The following ZNF69 variants were observed in gnomAD, a reference collection of about 807,000 sequenced individuals.
ZNF69 encodes ZNF3.
A neutral mutation model predicts 50.9 loss-of-function variants in ZNF69; 47 were observed. The observed-to-expected ratio is 0.92, with a 90% CI of 0.73 to 1.18. The LOEUF is 1.18. ZNF69 is among the 50% of genes most tolerant of loss of function. ZNF69 has a pLI of 0.00. For missense variants in ZNF69, 717 were observed against 675.1 expected, an observed-to-expected ratio of 1.06 and a Z score of -0.69; for synonymous variants, 216 against 223.1, an observed-to-expected ratio of 0.97 and a Z score of 0.29.
At chr19:11,967,944 T>G in the ZNF69 span, among the ~76,000 whole-genome samples, 2 of 152,212 alleles carry the variant, frequency 1.3e-5, no homozygotes, top group Admixed American at 6.5e-5. Flanking sequence ...CACAAGTGCA[T>G]TAAAACATAA....
downstream of ZNF69, among the ~76,000 whole-genome samples, chr19:11,914,537 T>C (rs1046516526): frequency 6.6e-6 from 1 of 152,236 alleles, no homozygotes; most frequent in African/African-American, 2.4e-5. Flanking sequence ...AATAAATTTG[T>C]GTAAATTGTC....
At chr19:11,947,406 T>C in the ZNF69 span, 1 of 1,603,734 alleles carries the variant, frequency 6.2e-7, no homozygotes, top group Non-Finnish European at 8.5e-7. Flanking sequence ...AGGAAATACC[T>C]TGATGAATAA....
the ZNF69 span, among the ~76,000 whole-genome samples, chr19:11,924,855 A>G: frequency 6.6e-6 from 1 of 152,208 alleles, no homozygotes; most frequent in African/African-American, 2.4e-5. Flanking sequence ...TTGAGTGAGG[A>G]TGACGCTAGT....
chr19:11,936,905 T>C, the ZNF69 span, among the ~76,000 whole-genome samples: 3 of 152,240 alleles, frequency 2.0e-5, no homozygotes, highest in African/African-American at 7.2e-5. Context: ...TTTCTACATA[T>C]GGCTAGCCAG....
the ZNF69 span, among the ~76,000 whole-genome samples, chr19:11,936,591 G>A: frequency 3.7e-4 from 57 of 152,162 alleles, no homozygotes; most frequent in South Asian, 8.9e-3. Context: ...GATATTAGTC[G>A]TTTGTTGGAT....
chr19:11,899,573 A>T (rs564517169), intron 1 of ZNF69, among the ~76,000 whole-genome samples: 1 of 151,968 alleles, frequency 6.6e-6, no homozygotes, highest in South Asian at 2.1e-4. Context: ...CTGAGGTGAG[A>T]TTGCTTAAGG....
the ZNF69 span, chr19:11,949,517 A>T: frequency 1.2e-6 from 2 of 1,611,678 alleles, no homozygotes; most frequent in Non-Finnish European, 1.7e-6. Flanking sequence ...ACAGAAAAAC[A>T]CATAAGAATG....
chr19:11,943,295 G>C, the ZNF69 span, among the ~76,000 whole-genome samples: 1,454 of 152,162 alleles, frequency 9.6e-3, 16 homozygotes, highest in African/African-American at 0.033. Flanking sequence ...CAATTGGTTA[G>C]GTTAAATTTT....
At position 11,904,978 on chromosome 19, in the gene ZNF69, G is replaced by A. The variant is rs759902477; in HGVS notation, c.581G>A (p.Cys194Tyr). 1 of 1,614,030 alleles carries A rather than the reference G, an allele frequency of 6.2e-7. No individual in the cohort carries two copies. The highest frequency in any genetic ancestry group is 2.2e-5 in the East Asian group (1 of 44,890). ...RDHTGEKPYA[C>Y]KECGKTFISH... ...CACACTGGAGAGAAACCCTATGCTT[G>A]TAAAGAATGTGGAAAAACTTTTATT... Residue 194 changes from cysteine to tyrosine, a missense_variant, in exon 4 of 4, where the codon TGT (cysteine) becomes TAT (tyrosine). Physicochemically the swap from Cys to Tyr is radical, Grantham distance 194. Transcript: ENST00000429654.
At chr19:11,950,627 G>A in the ZNF69 span, 6 of 372,684 alleles carry the variant, frequency 1.6e-5, no homozygotes, top group Admixed American at 3.5e-5. Context: ...AATGTAAGCA[G>A]TATGGGAAAG....
At chr19:11,960,038 CTTTTTTT>C in the ZNF69 span, among the ~76,000 whole-genome samples, 1 of 132,188 alleles carries the variant, frequency 7.6e-6, no homozygotes, top group Non-Finnish European at 1.7e-5. Flanking sequence ...TTTTTTTTTT[CTTTTTTT>C]TTTTTTTAGA....
chr19:11,971,488 G>T, the ZNF69 span, among the ~76,000 whole-genome samples: 1,790 of 152,014 alleles, frequency 0.012, 39 homozygotes, highest in African/African-American at 0.041. Flanking sequence ...GAGCATCTTG[G>T]CTGTTCTTAG....
chr19:11,938,401 C>G, the ZNF69 span, among the ~76,000 whole-genome samples: 398 of 152,262 alleles, frequency 2.6e-3, 3 homozygotes, highest in African/African-American at 9.4e-3. Flanking sequence ...TACCCCATGA[C>G]AGGCCCCGGT....
At chr19:11,979,253 C>A in the ZNF69 span, 6 of 1,613,318 alleles carry the variant, frequency 3.7e-6, no homozygotes, top group East Asian at 1.3e-4. Flanking sequence ...CATGAAAGGA[C>A]TCACACTGGA....
At chr19:11,888,466 C>T (rs1977001700) in intron 1 of ZNF69, among the ~76,000 whole-genome samples, 1 of 152,066 alleles carries the variant, frequency 6.6e-6, no homozygotes, top group Non-Finnish European at 1.5e-5. Flanking sequence ...GGTTTGTCAA[C>T]GGAAAAAGCC....
At chr19:11,944,248 C>T in the ZNF69 span, among the ~76,000 whole-genome samples, 2 of 152,138 alleles carry the variant, frequency 1.3e-5, no homozygotes, top group East Asian at 1.9e-4. Flanking sequence ...AGTCCCCATA[C>T]TATGGGAGGA....
At chr19:11,922,693 G>T in the ZNF69 span, among the ~76,000 whole-genome samples, 10 of 152,162 alleles carry the variant, frequency 6.6e-5, no homozygotes, top group African/African-American at 2.2e-4. Flanking sequence ...TCCTCAGTAG[G>T]CCAAGCCTCT....
intron 1 of ZNF69, among the ~76,000 whole-genome samples, chr19:11,899,243 A>T (rs1240523376): frequency 6.6e-6 from 1 of 152,188 alleles, no homozygotes; most frequent in Non-Finnish European, 1.5e-5. Context: ...TTCATGTAAA[A>T]ATATGCATTG....
rs1381853907 is a variant in ZNF69 at position 11,906,471 on chromosome 19, C to G, written c.*373C>G. ...CATACGGCCGTGTGCCCCTCTGTGA[C>G]GAAGCTTCCAGAGGAAGGATCAGGC... is the stretch of plus-strand genomic sequence containing the variant. On this transcript the variant is annotated 3_prime_UTR_variant, in exon 4 of 4. Transcript: ENST00000429654. Among the ~76,000 whole-genome samples the G allele has an allele frequency of 3.3e-5, 5 of 152,282 alleles. No homozygotes were observed. Among genetic ancestry groups the G allele is most frequent in the South Asian group, 2.1e-4 (1 of 4,822 alleles).
Sources: gnomAD v4.1 joint callset for allele counts (sites outside exome capture counted in the v4.1 genomes callset) on GRCh38, gnomAD v4.1.1 for gene constraint, MANE v1.5 for transcripts, NCBI Gene and HGNC (gene_info 2026-07-23, HGNC 2026-07-21) for gene names.